The following ADARB2 variants were observed in gnomAD, a reference collection of about 807,000 sequenced individuals.
ADARB2 encodes adenosine deaminase RNA specific B2 (inactive).
A neutral mutation model predicts 62.2 loss-of-function variants in ADARB2; 25 were observed. The ratio of observed to expected loss-of-function variants is 0.40; its 90% CI spans 0.29 to 0.56. The LOEUF is 0.56. Among genes scored for constraint, ADARB2 ranks in the 20% least tolerant of loss-of-function variants. ADARB2 has a pLI of 0.43. For missense variants in ADARB2, 1,071 were observed against 1,077.4 expected, an observed-to-expected ratio of 0.99 and a Z score of 0.08; for synonymous variants, 572 against 500.8, an observed-to-expected ratio of 1.14 and a Z score of -1.90.
intron 3 of ADARB2, among the ~76,000 whole-genome samples, chr10:1,301,003 G>A (rs11594721): frequency 0.47 from 70,776 of 151,996 alleles, 17,985 homozygotes; most frequent in East Asian, 0.81. Context: ...CTCTATTGCC[G>A]GACCGTGGTG....
intron 8 of ADARB2, among the ~76,000 whole-genome samples, chr10:1,192,616 A>T (rs931808873): frequency 2.6e-5 from 4 of 152,226 alleles, no homozygotes; most frequent in African/African-American, 7.2e-5. Flanking sequence ...TTAACTGAGG[A>T]TGGACAGCTG....
chr10:1,240,467 C>G (rs3793739), intron 5 of ADARB2: 2 of 152,276 alleles, frequency 1.3e-5, no homozygotes, highest in Non-Finnish European at 2.9e-5. Flanking sequence ...ATCACACAGG[C>G]AACAGAACAG....
intron 1 of ADARB2, among the ~76,000 whole-genome samples, chr10:1,683,815 G>C (rs1834568751): frequency 6.6e-6 from 1 of 152,244 alleles, no homozygotes; most frequent in South Asian, 2.1e-4. Context: ...ACGCAGGCAA[G>C]GAAAAGAATC....
At chr10:1,723,617 C>T (rs1469402587) in intron 1 of ADARB2, among the ~76,000 whole-genome samples, 4 of 152,286 alleles carry the variant, frequency 2.6e-5, no homozygotes, top group South Asian at 2.1e-4. Flanking sequence ...GAAGTGAGAA[C>T]GGTCCGCTTG....
chr10:1,352,489 A>T (rs1311294627), intron 3 of ADARB2, among the ~76,000 whole-genome samples: 1 of 152,142 alleles, frequency 6.6e-6, no homozygotes, highest in Non-Finnish European at 1.5e-5. Context: ...AGGGCTGTGC[A>T]GTCGGAATTC....
At chr10:1,485,041 G>A (rs1341580382) in intron 1 of ADARB2, among the ~76,000 whole-genome samples, 13 of 152,092 alleles carry the variant, frequency 8.5e-5, no homozygotes, top group Non-Finnish European at 1.3e-4. Flanking sequence ...TGGATTTGTA[G>A]GTGCGCTTGC....
At chr10:1,326,811 C>T (rs1486968472) in intron 3 of ADARB2, among the ~76,000 whole-genome samples, 1 of 133,182 alleles carries the variant, frequency 7.5e-6, no homozygotes, top group East Asian at 2.4e-4. Context: ...CACGGCCCAG[C>T]GCCTCCCCAC....
chr10:1,297,145 A>T (rs1348966921), intron 3 of ADARB2, among the ~76,000 whole-genome samples: 2 of 152,220 alleles, frequency 1.3e-5, no homozygotes, highest in African/African-American at 4.8e-5. Flanking sequence ...TGCAGATGTG[A>T]TTAGTAAAGG....
In ADARB2 at chr10:1,435,852, A is replaced by T. The variant is rs540673397; in HGVS notation, c.101-56692T>A. On this transcript the variant is annotated intron_variant, in intron 1 of 9. Transcript: ENST00000381312. ...TAATACGACATTCAGCAAAATGAGT[A>T]AAAACGTTTCGAAGGGAAAATGATT... Among the ~76,000 whole-genome samples the T allele has an allele frequency of 5.3e-5, 8 of 152,348 alleles. No homozygotes were observed. In the South Asian group the frequency reaches 1.0e-3, roughly 20 times the overall value.
At chr10:1,385,913 A>C (rs1001527166) in intron 1 of ADARB2, among the ~76,000 whole-genome samples, 1 of 152,142 alleles carries the variant, frequency 6.6e-6, no homozygotes, top group African/African-American at 2.4e-5. Context: ...TTACATACAG[A>C]GCAACTGCAA....
intron 8 of ADARB2, among the ~76,000 whole-genome samples, chr10:1,187,376 C>T (rs907549636): frequency 8.5e-5 from 13 of 152,120 alleles, no homozygotes; most frequent in Non-Finnish European, 1.6e-4. Flanking sequence ...GCGGCCTCCC[C>T]TCCTCCTCCC....
At chr10:1,695,989 A>C (rs976571014) in intron 1 of ADARB2, among the ~76,000 whole-genome samples, 3 of 143,184 alleles carry the variant, frequency 2.1e-5, no homozygotes, top group Admixed American at 2.0e-4. Flanking sequence ...ATGTGCATGC[A>C]TGTGTGTGGG....
Position 1,706,642 on chromosome 10 carries a change from A to G in ADARB2, c.100+30409T>C, listed in dbSNP as rs1017961113. 5.3e-5 allele frequency among the ~76,000 whole-genome samples: 8 copies of G among 152,230 alleles called. 1 individual carries two copies. The highest frequency in any genetic ancestry group is 1.9e-4 in the African/African-American group (8 of 41,452). ...CAACAAACAGAGGGCCTGGCGCTGG[A>G]CTAGAATCTGCAGGATGATGTTGCT... On this transcript the variant is annotated intron_variant, in intron 1 of 9. Coordinates refer to ENST00000381312, the MANE Select transcript of ADARB2 (RefSeq NM_018702.4).
intron 1 of ADARB2, among the ~76,000 whole-genome samples, chr10:1,655,065 A>G (rs1474834503): frequency 6.6e-6 from 1 of 152,172 alleles, no homozygotes; most frequent in Non-Finnish European, 1.5e-5. Context: ...GGAGAGATGC[A>G]GGGGACACAG....
At chr10:1,249,090 A>G (rs1831012995) in intron 4 of ADARB2, among the ~76,000 whole-genome samples, 1 of 152,240 alleles carries the variant, frequency 6.6e-6, no homozygotes, top group Admixed American at 6.5e-5. Flanking sequence ...GGAAAAGAGC[A>G]CTACAGTACG....
rs117763044 is a variant in ADARB2 at position 1,204,125 on chromosome 10, C to G, written c.1683-3978G>C. 3.5e-4 allele frequency among the ~76,000 whole-genome samples: 53 copies of G among 152,306 alleles called. 1 individual carries two copies. The highest frequency in any genetic ancestry group is 6.8e-4 in the Non-Finnish European group (46 of 68,022). ...ATTTCCCTTCCTCCACACCCTACCT[C>G]CAAACCCTGTCTCACACCTTCTTCC... On this transcript the variant is annotated intron_variant, in intron 7 of 9. Coordinates refer to ENST00000381312, the MANE Select transcript of ADARB2 (RefSeq NM_018702.4).
chr10:1,409,619 G>C (rs1009319851), intron 1 of ADARB2, among the ~76,000 whole-genome samples: 6 of 142,376 alleles, frequency 4.2e-5, no homozygotes, highest in Admixed American at 1.4e-4. Context: ...CATAGGGAAT[G>C]ATTGTCAGTG....
At chr10:1,440,424 T>C (rs1452269401) in intron 1 of ADARB2, among the ~76,000 whole-genome samples, 1 of 83,986 alleles carries the variant, frequency 1.2e-5, no homozygotes, top group African/African-American at 8.5e-5. Context: ...ACAAACGCCT[T>C]TTTTTTTTTT....
chr10:1,661,797 C>T (rs1834251813), intron 1 of ADARB2, among the ~76,000 whole-genome samples: 1 of 152,224 alleles, frequency 6.6e-6, no homozygotes, highest in Non-Finnish European at 1.5e-5. Flanking sequence ...GACTTTCACA[C>T]ACTTGCCCTA....
Sources: gnomAD v4.1 joint callset for allele counts (sites outside exome capture counted in the v4.1 genomes callset) on GRCh38, gnomAD v4.1.1 for gene constraint, MANE v1.5 for transcripts, NCBI Gene and HGNC (gene_info 2026-07-23, HGNC 2026-07-21) for gene names.